Variants in VSNL1 observed in about 807,000 individuals in gnomAD.
VSNL1 encodes visinin like 1.
A neutral mutation model predicts 20.4 loss-of-function variants in VSNL1; 6 were observed. That is an observed-to-expected ratio of 0.29 (90% CI 0.16 to 0.58). VSNL1 has a LOEUF of 0.58. Ranked by LOEUF, VSNL1 falls within the 20% of genes least tolerant of loss-of-function variation. The pLI is 0.90. For synonymous variants in VSNL1, 93 were observed against 86.4 expected, an observed-to-expected ratio of 1.08 and a Z score of -0.42; for missense variants, 100 against 234.5, an observed-to-expected ratio of 0.43 and a Z score of 3.75.
At chr2:17,553,490 G>A (rs1489571345) in intron 1 of VSNL1, among the ~76,000 whole-genome samples, 1 of 151,974 alleles carries the variant, frequency 6.6e-6, no homozygotes, top group Non-Finnish European at 1.5e-5. Context: ...AACAAATAAG[G>A]GCAATTAATT....
At chr2:17,551,588 C>T (rs1036216350) in intron 1 of VSNL1, among the ~76,000 whole-genome samples, 1 of 152,066 alleles carries the variant, frequency 6.6e-6, no homozygotes, top group Non-Finnish European at 1.5e-5. Flanking sequence ...AAACAAGAGG[C>T]CTTGGCCAGA....
chr2:17,603,901 A>AGATGACTCAGAGCT (rs1664887208), intron 2 of VSNL1, among the ~76,000 whole-genome samples: 1 of 152,224 alleles, frequency 6.6e-6, no homozygotes, highest in African/African-American at 2.4e-5. Context: ...CTTCAGGAGA[A>AGATGACTCAGAGCT]TGACTTAGAG....
At chr2:17,555,749 G>A (rs1663661638) in intron 1 of VSNL1, among the ~76,000 whole-genome samples, 1 of 152,110 alleles carries the variant, frequency 6.6e-6, no homozygotes, top group Non-Finnish European at 1.5e-5. Context: ...CCAGGAGGTA[G>A]TGAATGACAA....
intron 1 of VSNL1, among the ~76,000 whole-genome samples, chr2:17,585,748 C>T (rs539852638): frequency 6.6e-6 from 1 of 152,094 alleles, no homozygotes; most frequent in East Asian, 1.9e-4. Context: ...GCAGAGGAGC[C>T]TACAGGCAAA....
intron 2 of VSNL1, among the ~76,000 whole-genome samples, chr2:17,625,040 G>T (rs1431467247): frequency 2.0e-5 from 3 of 152,172 alleles, no homozygotes; most frequent in Non-Finnish European, 2.9e-5. Flanking sequence ...CATGGGGGCA[G>T]TCTCCCCCAT....
intron 2 of VSNL1, among the ~76,000 whole-genome samples, chr2:17,592,795 A>C (rs533505280): frequency 3.6e-4 from 54 of 152,100 alleles, no homozygotes; most frequent in African/African-American, 1.2e-3. Context: ...CAACATAGAC[A>C]ATAACTCAAC....
At chr2:17,651,078 T>C (rs1666112464) in intron 3 of VSNL1, among the ~76,000 whole-genome samples, 1 of 152,216 alleles carries the variant, frequency 6.6e-6, no homozygotes, top group South Asian at 2.1e-4. Context: ...CCAAGGTCTC[T>C]CTATAAGCTC....
At chr2:17,573,329 C>A (rs1051914555) in intron 1 of VSNL1, among the ~76,000 whole-genome samples, 1 of 152,002 alleles carries the variant, frequency 6.6e-6, no homozygotes, top group African/African-American at 2.4e-5. Context: ...TCTCTTCAGG[C>A]ATCAGTAAGG....
At chr2:17,590,655 G>T (rs1055650407) in intron 1 of VSNL1, among the ~76,000 whole-genome samples, 2 of 152,164 alleles carry the variant, frequency 1.3e-5, no homozygotes, top group Non-Finnish European at 1.5e-5. Context: ...TACAGTGAAA[G>T]AATTGGCCAA....
At chr2:17,595,284 G>A (rs1664686871) in intron 2 of VSNL1, among the ~76,000 whole-genome samples, 1 of 152,128 alleles carries the variant, frequency 6.6e-6, no homozygotes, top group Non-Finnish European at 1.5e-5. Flanking sequence ...TCCTTCTTAG[G>A]CAGCCTTGTG....
At chr2:17,599,927 C>A (rs1664788941) in intron 2 of VSNL1, among the ~76,000 whole-genome samples, 1 of 152,148 alleles carries the variant, frequency 6.6e-6, no homozygotes, top group East Asian at 1.9e-4. Flanking sequence ...GAGCAGAATG[C>A]ACATCATGTT....
At chr2:17,557,975 C>G (rs1663728121) in intron 1 of VSNL1, among the ~76,000 whole-genome samples, 1 of 152,148 alleles carries the variant, frequency 6.6e-6, no homozygotes, top group Non-Finnish European at 1.5e-5. Context: ...ATGAAAGAAG[C>G]AGAGGGTGCT....
chr2:17,546,076 C>T (rs1211981506), intron 1 of VSNL1: 1 of 151,934 alleles, frequency 6.6e-6, no homozygotes, highest in African/African-American at 2.4e-5. Flanking sequence ...TTGGAGTACT[C>T]TCATTCACCA....
At chr2:17,583,285 G>A (rs185067320) in intron 1 of VSNL1, among the ~76,000 whole-genome samples, 18 of 152,330 alleles carry the variant, frequency 1.2e-4, no homozygotes, top group Non-Finnish European at 1.9e-4. Context: ...CAGGTGAAGC[G>A]GGACACTCCA....
intron 1 of VSNL1, among the ~76,000 whole-genome samples, chr2:17,562,385 C>T (rs1245774736): frequency 6.6e-6 from 1 of 152,022 alleles, no homozygotes; most frequent in Non-Finnish European, 1.5e-5. Flanking sequence ...CCCCAGCAAT[C>T]GACAGACCAA....
intron 2 of VSNL1, among the ~76,000 whole-genome samples, chr2:17,616,184 C>T (rs559125907): frequency 6.6e-6 from 1 of 152,324 alleles, no homozygotes; most frequent in East Asian, 1.9e-4. Flanking sequence ...AACATTGCAC[C>T]TCCAGCCTTG....
intron 2 of VSNL1, among the ~76,000 whole-genome samples, chr2:17,610,688 G>C (rs943385187): frequency 4.6e-5 from 7 of 152,170 alleles, no homozygotes; most frequent in Non-Finnish European, 7.4e-5. Flanking sequence ...CCTTTTATCA[G>C]AACAGCCCTG....
intron 1 of VSNL1, among the ~76,000 whole-genome samples, chr2:17,568,464 G>A (rs755421495): frequency 5.9e-5 from 9 of 152,140 alleles, no homozygotes; most frequent in South Asian, 2.1e-4. Flanking sequence ...TAGAGACGGG[G>A]TTTTGCTATG....
chr2:17,614,221 A>G (rs901699780), intron 2 of VSNL1, among the ~76,000 whole-genome samples: 2 of 152,224 alleles, frequency 1.3e-5, no homozygotes, highest in African/African-American at 4.8e-5. Flanking sequence ...TGTTGCTTGC[A>G]TGGCAACGTA....
Sources: gnomAD v4.1 joint callset for allele counts (sites outside exome capture counted in the v4.1 genomes callset) on GRCh38, gnomAD v4.1.1 for gene constraint, MANE v1.5 for transcripts, NCBI Gene and HGNC (gene_info 2026-07-23, HGNC 2026-07-21) for gene names.